RAPGEF1: variants seen among roughly 807,000 people sequenced by gnomAD.
The protein encoded by RAPGEF1 is Rap guanine nucleotide exchange factor 1.
In RAPGEF1, 33 loss-of-function variants were observed where a neutral mutation model predicts 143.3. The observed-to-expected ratio is 0.23, with a 90% CI of 0.17 to 0.31. The LOEUF (loss-of-function observed/expected upper bound fraction) is 0.31, where lower values mean the gene tolerates loss of function less well. RAPGEF1 is among the 10% of genes least tolerant of loss of function. The probability of loss-of-function intolerance (pLI) is 1.00; values close to 1 mark genes in which losing one functional copy is unlikely to be tolerated. For missense variants in RAPGEF1, 1,199 were observed against 1,645.4 expected (o/e 0.73, Z 4.69); for synonymous variants, 629 against 676.5 (o/e 0.93, Z 1.09).
In RAPGEF1 at chr9:131,697,428, T is replaced by C. The variant is rs141396851; in HGVS notation, c.61+42342A>G. ...AGGACCTGCCTCCTGCTTTCCTAAA[T>C]GAGCGAAGTGGCTTGCAGCGGCTCT... On this transcript the variant is annotated intron_variant, in intron 1 of 26. Transcript: ENST00000683357. Among the ~76,000 whole-genome samples the C allele has an allele frequency of 9.1e-4, 139 of 152,356 alleles. 1 individual carries two copies. Among genetic ancestry groups the C allele is most frequent in the Non-Finnish European group, 1.5e-3 (101 of 68,028 alleles).
At chr9:131,723,337 C>T (rs1836406825) in intron 1 of RAPGEF1, among the ~76,000 whole-genome samples, 1 of 152,202 alleles carries the variant, frequency 6.6e-6, no homozygotes, top group Non-Finnish European at 1.5e-5. Context: ...CTTATTACCA[C>T]TTCAGTGGTA....
intron 1 of RAPGEF1, among the ~76,000 whole-genome samples, chr9:131,691,201 T>C (rs1833757958): frequency 6.6e-6 from 1 of 152,222 alleles, no homozygotes; most frequent in South Asian, 2.1e-4. Context: ...ATTTCCACAA[T>C]GACATGTGAT....
At chr9:131,738,472 A>G (rs1837557226) in intron 1 of RAPGEF1, among the ~76,000 whole-genome samples, 1 of 152,096 alleles carries the variant, frequency 6.6e-6, no homozygotes, top group Non-Finnish European at 1.5e-5. Flanking sequence ...TCAGTGAGAA[A>G]AATACTCAAG....
chr9:131,611,650 G>A (rs1208049212), intron 12 of RAPGEF1, among the ~76,000 whole-genome samples: 2 of 152,138 alleles, frequency 1.3e-5, no homozygotes, highest in African/African-American at 4.8e-5. Context: ...TTCAGTTCTA[G>A]AAGTCTGACA....
Position 131,739,878 on chromosome 9 carries a change from CGCTCGCCTCGGCCCTG to C in RAPGEF1, c.-64_-49del, listed in dbSNP as rs1837643410. On this transcript the variant is annotated 5_prime_UTR_variant, in exon 1 of 27. Transcript: ENST00000683357. ...GGGGCGACAGGGGCGGCGCGCCCGC[CGCTCGCCTCGGCCCTG>C]GCTCGCCACGCCTCAGACCCGCGCC... 2.0e-6 allele frequency: 2 copies of C among 978,104 alleles called. No individual in the cohort carries two copies. The highest frequency in any genetic ancestry group is 2.4e-6 in the Non-Finnish European group (2 of 824,434). 60.6% of individuals were successfully genotyped at this position (978,104 alleles called of 1,614,324 possible).
chr9:131,647,366 G>C (rs1313937896), intron 3 of RAPGEF1, among the ~76,000 whole-genome samples: 1 of 152,200 alleles, frequency 6.6e-6, no homozygotes, highest in East Asian at 1.9e-4. Context: ...GAGTAAATAA[G>C]ACAGCATGTC....
At chr9:131,636,782 T>G (rs1401421216) in intron 5 of RAPGEF1, among the ~76,000 whole-genome samples, 2 of 152,194 alleles carry the variant, frequency 1.3e-5, no homozygotes, top group Non-Finnish European at 2.9e-5. Flanking sequence ...CTGAACCCAG[T>G]GTGCTACTGT....
chr9:131,673,462 C>A (rs1015207553), intron 1 of RAPGEF1, among the ~76,000 whole-genome samples: 10 of 152,184 alleles, frequency 6.6e-5, no homozygotes, highest in African/African-American at 2.4e-4. Context: ...CAGTGGAAAG[C>A]AGTTATCTTT....
chr9:131,679,275 C>T (rs1234068690), intron 1 of RAPGEF1, among the ~76,000 whole-genome samples: 1 of 152,206 alleles, frequency 6.6e-6, no homozygotes, highest in East Asian at 1.9e-4. Flanking sequence ...AGGGGCCAGC[C>T]CCTGTCCTCC....
chr9:131,692,529 T>C (rs968549947), intron 1 of RAPGEF1, among the ~76,000 whole-genome samples: 2 of 152,196 alleles, frequency 1.3e-5, no homozygotes, highest in African/African-American at 2.4e-5. Flanking sequence ...ATACCTGATA[T>C]GTGGGCCACA....
chr9:131,688,746 A>T (rs1384632860), intron 1 of RAPGEF1, among the ~76,000 whole-genome samples: 1 of 152,158 alleles, frequency 6.6e-6, no homozygotes, highest in Non-Finnish European at 1.5e-5. Flanking sequence ...TGTCTCTACC[A>T]AAAATACAAA....
At chr9:131,593,150 A>G (rs1954639823) in intron 17 of RAPGEF1, among the ~76,000 whole-genome samples, 1 of 152,190 alleles carries the variant, frequency 6.6e-6, no homozygotes, top group South Asian at 2.1e-4. Flanking sequence ...TACCAAGGAG[A>G]GGCATGGTGC....
At chr9:131,633,679 C>A (rs1375901199) in intron 5 of RAPGEF1, among the ~76,000 whole-genome samples, 1 of 152,230 alleles carries the variant, frequency 6.6e-6, no homozygotes, top group Non-Finnish European at 1.5e-5. Flanking sequence ...ACGCTCCCTA[C>A]ACTAGCTCGC....
At chr9:131,707,902 T>C (rs1371247148) in intron 1 of RAPGEF1, among the ~76,000 whole-genome samples, 2 of 152,172 alleles carry the variant, frequency 1.3e-5, no homozygotes, top group African/African-American at 4.8e-5. Context: ...TCACACATAA[T>C]CACATGAGCA....
intron 1 of RAPGEF1, among the ~76,000 whole-genome samples, chr9:131,701,067 G>A (rs1834605917): frequency 1.3e-5 from 2 of 152,184 alleles, no homozygotes; most frequent in South Asian, 4.2e-4. Flanking sequence ...AGCAAAAAGT[G>A]ACATCTGAAA....
chr9:131,612,964 CA>C, intron 12 of RAPGEF1, among the ~76,000 whole-genome samples: 1 of 152,330 alleles, frequency 6.6e-6, no homozygotes, highest in East Asian at 1.9e-4. Context: ...GGCTAGGCTG[CA>C]CCAAAGCTGC....
chr9:131,579,243 A>C lies in RAPGEF1; in HGVS notation c.*254T>G. 2.1e-6 allele frequency: 1 copy of C among 486,574 alleles called. No individual in the cohort carries two copies. Among genetic ancestry groups the C allele is most frequent in the South Asian group, 2.7e-5 (1 of 36,864 alleles). The allele number at this position is 486,574 out of a possible 1,614,324, so 30.1% of individuals were successfully genotyped here. A position where few individuals can be genotyped will look rare whatever the true frequency, so the allele number is the denominator to read the frequency against. On this transcript the variant is annotated 3_prime_UTR_variant, in exon 27 of 27. Coordinates refer to ENST00000683357, the MANE Select transcript of RAPGEF1 (RefSeq NM_001377935.1). The stretch of plus-strand genomic sequence containing the variant: ...GCAGAAAACAAAACCAAACCAGAAA[A>C]CCACCGGTTTGTAAATTGGCAACAA...
At chr9:131,674,742 A>G (rs1035594958) in intron 1 of RAPGEF1, among the ~76,000 whole-genome samples, 1 of 152,154 alleles carries the variant, frequency 6.6e-6, no homozygotes, top group African/African-American at 2.4e-5. Context: ...GGATCCCTAG[A>G]AGGAAAGTCC....
chr9:131,603,665 C>G (rs1317881872), intron 14 of RAPGEF1, among the ~76,000 whole-genome samples: 1 of 152,216 alleles, frequency 6.6e-6, no homozygotes, highest in Non-Finnish European at 1.5e-5. Context: ...GCACTAGATA[C>G]ACAGCCGGGG....
Sources: allele counts gnomAD v4.1 joint callset (sites outside exome capture counted in the v4.1 genomes callset), GRCh38; gene constraint gnomAD v4.1.1; transcripts MANE v1.5; gene names NCBI Gene and HGNC (gene_info 2026-07-23, HGNC 2026-07-21).